The following MAP4K4 variants were observed in gnomAD, a reference collection of about 807,000 sequenced individuals.
MAP4K4 encodes the protein mitogen-activated protein kinase kinase kinase kinase 4, also known as HPK/GCK-like kinase HGK.
In MAP4K4, 38 loss-of-function variants were observed where a neutral mutation model predicts 189.6. That is an observed-to-expected ratio of 0.20 (90% CI 0.15 to 0.26). The LOEUF is 0.26. Ranked by LOEUF, MAP4K4 falls within the 10% of genes least tolerant of loss-of-function variation. The pLI, the probability that MAP4K4 is intolerant of heterozygous loss-of-function variation, is 1.00. For missense variants in MAP4K4, 1,054 were observed against 1,726.9 expected, an observed-to-expected ratio of 0.61 and a Z score of 6.91; for synonymous variants, 610 against 624.3, an observed-to-expected ratio of 0.98 and a Z score of 0.34.
chr2:101,731,338 A>G (rs891552935), intron 2 of MAP4K4, among the ~76,000 whole-genome samples: 3 of 151,670 alleles, frequency 2.0e-5, no homozygotes, highest in Non-Finnish European at 2.9e-5. Flanking sequence ...GCTGGCCTCG[A>G]ACTCCTGACC....
intron 2 of MAP4K4, among the ~76,000 whole-genome samples, chr2:101,758,166 C>T (rs575042910): frequency 7.9e-5 from 12 of 152,306 alleles, no homozygotes; most frequent in African/African-American, 1.9e-4. Flanking sequence ...AATGAAACCT[C>T]GGGTAATGGG....
chr2:101,860,104 C>T (rs993546708), intron 15 of MAP4K4: 24 of 565,936 alleles, frequency 4.2e-5, no homozygotes, highest in Non-Finnish European at 6.6e-5. Context: ...CCCAGAAGAA[C>T]TTGAAACTGA....
intron 32 of MAP4K4, 73 bp downstream of exon 32, chr2:101,889,008 T>G: frequency 3.9e-6 from 5 of 1,295,890 alleles, no homozygotes; most frequent in Middle Eastern, 1.9e-4. Flanking sequence ...TGGAGTTTGA[T>G]GATTAATTTC....
At chr2:101,812,299 G>A (rs1367348410) in intron 3 of MAP4K4, among the ~76,000 whole-genome samples, 1 of 152,176 alleles carries the variant, frequency 6.6e-6, no homozygotes, top group Non-Finnish European at 1.5e-5. Flanking sequence ...AGAGTACAGG[G>A]AGATGATGAT....
intron 16 of MAP4K4, among the ~76,000 whole-genome samples, chr2:101,862,682 T>A (rs1215083091): frequency 6.6e-6 from 1 of 152,202 alleles, no homozygotes; most frequent in Non-Finnish European, 1.5e-5. Flanking sequence ...GGGAGACTTT[T>A]CTCGTGTAGG....
intron 23 of MAP4K4, 48 bp from the exon 24 acceptor site, chr2:101,871,446 A>G: frequency 1.4e-6 from 2 of 1,453,116 alleles, no homozygotes; most frequent in South Asian, 1.3e-5. Context: ...GGCCATAGGC[A>G]ATTTTAGCAG....
At chr2:101,710,852 T>C (rs897828526) in intron 2 of MAP4K4, among the ~76,000 whole-genome samples, 1 of 152,198 alleles carries the variant, frequency 6.6e-6, no homozygotes, top group Non-Finnish European at 1.5e-5. Context: ...TAATACTACT[T>C]TGAATAAAGA....
chr2:101,846,200 T>G (rs942178519), intron 12 of MAP4K4, among the ~76,000 whole-genome samples: 17 of 152,350 alleles, frequency 1.1e-4, no homozygotes, highest in African/African-American at 4.1e-4. Flanking sequence ...GTGGTATTTT[T>G]GTTAAGACTC....
At chr2:101,737,445 ATATATATATATATATATTTTTTTT>A (rs1466602553) in intron 2 of MAP4K4, among the ~76,000 whole-genome samples, 2 of 33,800 alleles carry the variant, frequency 5.9e-5, no homozygotes, top group African/African-American at 3.1e-4. Context: ...ATATATATAT[ATATATATATATATATATTTTTTTT>A]TTTTTTTTTT....
intron 30 of MAP4K4, 148 bp downstream of exon 30, chr2:101,887,385 T>C: frequency 1.4e-6 from 1 of 739,512 alleles, no homozygotes; most frequent in Non-Finnish European, 2.1e-6. Flanking sequence ...CAATTTTCAA[T>C]AGCTCCATGC....
intron 2 of MAP4K4, 107 bp downstream of exon 2, chr2:101,698,645 C>G: frequency 3.8e-6 from 4 of 1,050,870 alleles, no homozygotes; most frequent in Non-Finnish European, 2.9e-6. Flanking sequence ...CGCCGCTTGG[C>G]CAAAGTTGGG....
intron 13 of MAP4K4, among the ~76,000 whole-genome samples, chr2:101,857,799 T>C (rs1576884476): frequency 6.6e-6 from 1 of 152,178 alleles, no homozygotes; most frequent in Admixed American, 6.5e-5. Context: ...TGCTGTAATT[T>C]CAATATTCTC....
intron 2 of MAP4K4, among the ~76,000 whole-genome samples, chr2:101,711,502 G>A (rs2045522256): frequency 6.6e-6 from 1 of 152,098 alleles, no homozygotes. Context: ...TGATCTACCT[G>A]CCTTGGCCTC....
At chr2:101,827,777 C>G (rs573493064) in intron 5 of MAP4K4, among the ~76,000 whole-genome samples, 1 of 152,300 alleles carries the variant, frequency 6.6e-6, no homozygotes, top group Admixed American at 6.5e-5. Context: ...AACATGGGAA[C>G]TGAGAGCTTT....
chr2:101,864,307 G>A (rs1459653752), intron 17 of MAP4K4, among the ~76,000 whole-genome samples: 1 of 152,052 alleles, frequency 6.6e-6, no homozygotes, highest in Admixed American at 6.5e-5. Flanking sequence ...ACAAAGAATA[G>A]GCTTCTTAAA....
chr2:101,859,832 G>C, exon 15 of MAP4K4: 2 of 1,609,536 alleles, frequency 1.2e-6, no homozygotes, highest in Non-Finnish European at 1.7e-6. Context: ...CGAGCCCAAA[G>C]CCCACTACGA....
rs1559123732 is a variant in MAP4K4, at chr2:101,834,481, C to CTT, written c.694+22_694+23dup. The stretch of plus-strand genomic sequence containing the variant: ...TGCTCCCCGTAAGTAACTTTCTTTT[C>CTT]TTTTTAGCTCACTTGTTACATGTGA... On this transcript the variant is annotated intron_variant, in intron 8 of 32. Coordinates refer to ENST00000324219, the Ensembl canonical transcript of MAP4K4. 6.3e-7 allele frequency: 1 copy of CTT among 1,593,602 alleles called. No individual in the cohort carries two copies. Among genetic ancestry groups the CTT allele is most frequent in the Admixed American group, 1.7e-5 (1 of 57,696 alleles).
intron 2 of MAP4K4, among the ~76,000 whole-genome samples, chr2:101,712,843 T>C (rs552982148): frequency 6.6e-6 from 1 of 151,662 alleles, no homozygotes; most frequent in African/African-American, 2.4e-5. Context: ...CCTTGGAACA[T>C]TGATAGTTCA....
chr2:101,866,527 C>T (rs780724552), exon 19 of MAP4K4: 20 of 1,613,570 alleles, frequency 1.2e-5, no homozygotes, highest in East Asian at 2.2e-5. Context: ...GATCCCAGCC[C>T]GGGTCTCACC....
Sources: gnomAD v4.1 joint callset for allele counts (sites outside exome capture counted in the v4.1 genomes callset) on GRCh38, gnomAD v4.1.1 for gene constraint, MANE v1.5 for transcripts, NCBI Gene and HGNC (gene_info 2026-07-23, HGNC 2026-07-21) for gene names.